DNAH17: variants seen among roughly 807,000 people sequenced by gnomAD.
The protein encoded by DNAH17 is dynein axonemal heavy chain 17, also known as axonemal beta dynein heavy chain 17.
In DNAH17, 376 loss-of-function variants were observed where a neutral mutation model predicts 485.6. The ratio of observed to expected loss-of-function variants is 0.77; its 90% confidence interval spans 0.71 to 0.84. The LOEUF (loss-of-function observed/expected upper bound fraction) is 0.84. Among genes scored for constraint, DNAH17 ranks in the 40% least tolerant of loss-of-function variants. The probability of loss-of-function intolerance (pLI) is 0.00; values close to 1 mark genes in which losing one functional copy is unlikely to be tolerated. For synonymous variants in DNAH17, 3,031 were observed against 2,405.9 expected (o/e 1.26, Z -7.60); for missense variants, 6,370 against 5,839.3 (o/e 1.09, Z -2.96).
intron 60 of DNAH17, 136 bp from the exon 61 acceptor site, chr17:78,459,344 C>T (rs749536322): frequency 1.4e-5 from 12 of 835,342 alleles, no homozygotes; most frequent in Non-Finnish European, 9.8e-6. Flanking sequence ...TCAGGCTGGC[C>T]CTAGAGGCCA....
chr17:78,565,009 CAG>C (rs1269401130), intron 11 of DNAH17, among the ~76,000 whole-genome samples: 1 of 152,172 alleles, frequency 6.6e-6, no homozygotes, highest in African/African-American at 2.4e-5. Context: ...CACCATCCCG[CAG>C]GGGATGTCTG....
rs141424232 is a variant in DNAH17 at position 78,423,930 on chromosome 17, G to A, written c.13365C>T (p.Ala4455=). Residue 4455 remains alanine, a synonymous_variant, in exon 81 of 81, where the codon GCC becomes GCT. Transcript: ENST00000389840. ...KEKAAKWILA[A]VALLLQV is the part of the protein sequence containing the mutation. Reference sequence around the variant, plus strand: ...GCTAAACCTGTAGGAGCAGCGCCACGGCTGCCAGGATCCACTTCGCTGCCT... The same window carrying A: ...GCTAAACCTGTAGGAGCAGCGCCACAGCTGCCAGGATCCACTTCGCTGCCT... The A allele has an allele frequency of 3.0e-4, 486 of 1,613,966 alleles. 6 individuals are homozygous for A. The highest frequency in any genetic ancestry group is 3.3e-4 in the Middle Eastern group (2 of 6,062).
At position 78,466,811 on chromosome 17, in the gene DNAH17, G is replaced by T. The variant is rs1165198662; in HGVS notation, c.8784C>A (p.Ile2928=). ...CGGAGCCCACAGGGGAGAAACACAGGATCACCTGGGTGTGGGAGACACAGA... is the reference window on the plus strand; with the variant it reads ...CGGAGCCCACAGGGGAGAAACACAGTATCACCTGGGTGTGGGAGACACAGA... The part of the protein sequence containing the change: ...IEKVRRQLKV[I]LCFSPVGSVL... Residue 2928 remains isoleucine, a synonymous_variant, in exon 56 of 81, where the codon ATC becomes ATA. Transcript: ENST00000389840. The T allele has an allele frequency of 1.9e-6, 3 of 1,585,536 alleles. No homozygotes were observed. Among genetic ancestry groups the T allele is most frequent in the African/African-American group, 1.4e-5 (1 of 73,860 alleles).
At chr17:78,493,926 A>G in intron 41 of DNAH17, 110 bp downstream of exon 41, 1 of 1,414,136 alleles carries the variant, frequency 7.1e-7, no homozygotes, top group Non-Finnish European at 9.3e-7. Context: ...CCCAGGATGT[A>G]CTGGGTTGGG....
chr17:78,467,775 T>C lies in DNAH17; in HGVS notation c.8778+842A>G, dbSNP rs116304994. On this transcript the variant is annotated intron_variant, in intron 55 of 80. Coordinates refer to ENST00000389840, the MANE Select transcript of DNAH17 (RefSeq NM_173628.4). The stretch of plus-strand genomic sequence containing the variant: ...ATCAAGGTGTGGCCAGGCAGCACTT[T>C]GGGAGGCCGAGGCAGGTGTATCACC... 7.6e-3 allele frequency among the ~76,000 whole-genome samples: 1,160 copies of C among 152,236 alleles called. 15 individuals are homozygous for C. The highest frequency in any genetic ancestry group is 0.026 in the African/African-American group (1,088 of 41,536).
chr17:78,455,273 G>A (rs1053574141), intron 63 of DNAH17, among the ~76,000 whole-genome samples: 6 of 151,866 alleles, frequency 4.0e-5, no homozygotes, highest in African/African-American at 1.5e-4. Context: ...GGTGCCATGT[G>A]GCTGGTTCTG....
chr17:78,495,824 T>C lies in DNAH17; in HGVS notation c.5903+51A>G. 6 of 1,583,134 alleles carry C rather than the reference T, an allele frequency of 3.8e-6. No individual in the cohort carries two copies. In the South Asian group the frequency reaches 6.9e-5, roughly 18 times the overall value. On this transcript the variant is annotated intron_variant, in intron 38 of 80. Coordinates refer to ENST00000389840, the MANE Select transcript of DNAH17 (RefSeq NM_173628.4). ...CCACTCCTTGGCACTGGGACGTTGC[T>C]GTGGCCGGCCTGGCTCACTGCAGCC...
chr17:78,475,982 G>A (rs563858544), intron 52 of DNAH17, 149 bp from the exon 53 acceptor site: 14 of 857,432 alleles, frequency 1.6e-5, no homozygotes, highest in East Asian at 1.6e-4. Context: ...ACCTGCTGCC[G>A]TGGGCCCAGC....
At chr17:78,547,376 G>T (rs2091791490) in intron 16 of DNAH17, among the ~76,000 whole-genome samples, 2 of 152,194 alleles carry the variant, frequency 1.3e-5, no homozygotes, top group Admixed American at 1.3e-4. Flanking sequence ...ATGTTCTGGA[G>T]ATCTGTGTAA....
chr17:78,484,710 G>A (rs1191079920), intron 48 of DNAH17, 158 bp downstream of exon 48: 4 of 428,808 alleles, frequency 9.3e-6, no homozygotes, highest in East Asian at 5.1e-5. Context: ...GCCCAGCTAC[G>A]ACCCGTGTCT....
At position 78,532,704 on chromosome 17, in the gene DNAH17, C is replaced by T; in HGVS notation, c.2892G>A (p.Glu964=). 2 of 1,593,712 alleles carry T rather than the reference C, an allele frequency of 1.3e-6. No homozygotes were observed. Among genetic ancestry groups the T allele is most frequent in the Non-Finnish European group, 8.6e-7 (1 of 1,168,950 alleles). Residue 964 remains glutamate (E), a synonymous_variant, in exon 20 of 81, where the codon GAG becomes GAA. Coordinates refer to ENST00000389840, the MANE Select transcript of DNAH17 (RefSeq NM_173628.4). ...CCAGGCTGGACACCTCCTCCCTCATCTCTATGAGGTCTGTGTTATCTTCCA... is the reference window on the plus strand; with the variant it reads ...CCAGGCTGGACACCTCCTCCCTCATTTCTATGAGGTCTGTGTTATCTTCCA... ...MDLEDNTDLI[E]MREEVSSLVI... is the part of the protein sequence containing the mutation.
chr17:78,476,606 C>A lies in DNAH17; in HGVS notation c.8120G>T (p.Arg2707Ile), dbSNP rs529346098. The change falls in exon 52 of 81, where the codon AGA becomes ATA. Residue 2707 changes from arginine to isoleucine, a missense_variant. Arg to Ile is a moderately conservative substitution (Grantham distance 97, BLOSUM62 -3). Coordinates refer to ENST00000389840, the MANE Select transcript of DNAH17 (RefSeq NM_173628.4). The part of the protein sequence containing the change: ...VDEKDQETLH[R>I]VTMASTKKFF... ...CTTCTTGGTGGAGGCCATGGTGACT[C>A]TATGCAATGTTTCCTGGTCTTTTTC... The A allele has an allele frequency of 6.2e-7, 1 of 1,611,408 alleles. No individual in the cohort carries two copies. The highest frequency in any genetic ancestry group is 1.7e-5 in the Admixed American group (1 of 59,594).
In DNAH17 at chr17:78,490,766, C is replaced by A. The variant is rs866913829; in HGVS notation, c.6751G>T (p.Ala2251Ser). 10 of 1,605,040 alleles carry A rather than the reference C, an allele frequency of 6.2e-6. No homozygotes were observed. Among genetic ancestry groups the A allele is most frequent in the South Asian group, 1.1e-5 (1 of 89,268 alleles). The change falls in exon 44 of 81, where the codon GCC becomes TCC. Residue 2251 changes from alanine to serine, a missense_variant. By Grantham distance (99) the Ala-to-Ser change is moderately conservative (BLOSUM62 1). Transcript: ENST00000389840. ...GCTCTGGAAACGGTGGCTGGGGTGGCCGTCCTCAGGTGGCTGATTTCGAAC... is the reference window on the plus strand; with the variant it reads ...GCTCTGGAAACGGTGGCTGGGGTGGACGTCCTCAGGTGGCTGATTTCGAAC... ...LVFEISHLRTATPATVSRAGI... is the reference protein window; with the variant it reads ...LVFEISHLRTSTPATVSRAGI...
chr17:78,450,062 G>A, intron 68 of DNAH17, 192 bp downstream of exon 68: 1 of 629,918 alleles, frequency 1.6e-6, no homozygotes, highest in South Asian at 2.0e-5. Flanking sequence ...CCTCTCCTGG[G>A]GAGAATGGGT....
rs544254391 is a variant in DNAH17 at position 78,450,939 on chromosome 17, C to A, written c.10735-93G>T. ...AGGTGGCCATGTAGCTGAGCCAAGG[C>A]CCAGGCTTTGAGCGGGAGGAACGAG... On this transcript the variant is annotated intron_variant, in intron 66 of 80. Coordinates refer to ENST00000389840, the MANE Select transcript of DNAH17 (RefSeq NM_173628.4). The A allele has an allele frequency of 3.3e-6, 5 of 1,505,998 alleles. No homozygotes were observed. In the African/African-American group the frequency reaches 5.5e-5, roughly 17 times the overall value. The allele number at this position is 1,505,998 out of a possible 1,614,324, so 93.3% of individuals were successfully genotyped here.
chr17:78,457,941 G>A (rs950187559), intron 62 of DNAH17, among the ~76,000 whole-genome samples: 2 of 152,120 alleles, frequency 1.3e-5, no homozygotes, highest in Non-Finnish European at 1.5e-5. Context: ...GATTACAGGC[G>A]TGAGCCACTG....
At chr17:78,566,559 TCCA>T in intron 11 of DNAH17, 52 bp downstream of exon 11, 1 of 1,282,030 alleles carries the variant, frequency 7.8e-7, no homozygotes, top group Non-Finnish European at 1.1e-6. Context: ...TCGACATGAA[TCCA>T]CCACCACAGT....
At chr17:78,488,873 T>G (rs545244753) in intron 44 of DNAH17, among the ~76,000 whole-genome samples, 33 of 151,926 alleles carry the variant, frequency 2.2e-4, no homozygotes, top group African/African-American at 7.0e-4. Flanking sequence ...AGCCAAGGGA[T>G]GCCAAGGACC....
rs774560250 is a variant in DNAH17 at position 78,494,734 on chromosome 17, C to T, written c.6129G>A (p.Glu2043=). 2 of 1,613,688 alleles carry T rather than the reference C, an allele frequency of 1.2e-6. No homozygotes were observed. Among genetic ancestry groups the T allele is most frequent in the African/African-American group, 2.7e-5 (2 of 74,948 alleles). Residue 2043 remains glutamate (E), a synonymous_variant, in exon 40 of 81, where the codon GAG becomes GAA. Coordinates refer to ENST00000389840, the MANE Select transcript of DNAH17 (RefSeq NM_173628.4). ...TCAGCGCCCGCATGAGCACCTGGTC[C>T]TCTGCCCGGCTGGGGTCGCCCCTCT... is the stretch of plus-strand genomic sequence containing the variant. The part of the protein sequence containing the change: ...SLKRGDPSRA[E]DQVLMRALRD...
Sources: gnomAD v4.1 joint callset for allele counts (sites outside exome capture counted in the v4.1 genomes callset) on GRCh38, gnomAD v4.1.1 for gene constraint, MANE v1.5 for transcripts, NCBI Gene and HGNC (gene_info 2026-07-23, HGNC 2026-07-21) for gene names.